The following GFRA3 variants were observed in gnomAD, a reference collection of about 807,000 sequenced individuals.
GFRA3 encodes GDNF family receptor alpha 3.
A neutral mutation model predicts 40.0 loss-of-function variants in GFRA3; 24 were observed. The ratio of observed to expected loss-of-function variants is 0.60; its 90% CI spans 0.43 to 0.84. The LOEUF (loss-of-function observed/expected upper bound fraction) is 0.84, where lower values mean the gene tolerates loss of function less well. Ranked by LOEUF, GFRA3 falls within the 40% of genes least tolerant of loss-of-function variation. GFRA3 has a pLI of 0.00. For missense variants in GFRA3, 405 were observed against 530.6 expected, an observed-to-expected ratio of 0.76 and a Z score of 2.33; for synonymous variants, 203 against 213.5, an observed-to-expected ratio of 0.95 and a Z score of 0.43.
intron 4 of GFRA3, among the ~76,000 whole-genome samples, chr5:138,254,382 T>G (rs548095377): frequency 2.0e-5 from 3 of 152,202 alleles, no homozygotes; most frequent in African/African-American, 7.2e-5. Flanking sequence ...AGACGGGGTT[T>G]CACCATGTCG....
intron 2 of GFRA3, among the ~76,000 whole-genome samples, chr5:138,262,277 A>G (rs1430043501): frequency 1.3e-5 from 2 of 152,136 alleles, no homozygotes; most frequent in Non-Finnish European, 1.5e-5. Flanking sequence ...ACCTTTCCAG[A>G]GGGCTGGGCC....
rs1219398811 is a variant in GFRA3 at position 138,253,271 on chromosome 5, A to G, written c.1113+16T>C. 3 of 1,523,294 alleles carry G rather than the reference A, an allele frequency of 2.0e-6. No homozygotes were observed. Among genetic ancestry groups the G allele is most frequent in the Non-Finnish European group, 2.7e-6 (3 of 1,110,430 alleles). 94.4% of individuals were successfully genotyped at this position (1,523,294 alleles called of 1,614,324 possible). Reference sequence around the variant, plus strand: ...GCCCAGTAAAGGTCTGAGGGGTGTAACAGAGGAGGCCCTACCTGGTGTGCC... The same window carrying G: ...GCCCAGTAAAGGTCTGAGGGGTGTAGCAGAGGAGGCCCTACCTGGTGTGCC... On this transcript the variant is annotated intron_variant, in intron 7 of 7. Coordinates refer to ENST00000274721, the MANE Select transcript of GFRA3 (RefSeq NM_001496.4).
chr5:138,260,214 G>GC (rs1755691247), intron 2 of GFRA3, among the ~76,000 whole-genome samples: 1 of 152,154 alleles, frequency 6.6e-6, no homozygotes, highest in Admixed American at 6.6e-5. Context: ...ACTTGCTCTG[G>GC]TCTGTGGATT....
intron 1 of GFRA3, among the ~76,000 whole-genome samples, chr5:138,267,935 C>T (rs1755810232): frequency 1.3e-5 from 2 of 152,188 alleles, no homozygotes; most frequent in South Asian, 4.1e-4. Flanking sequence ...TGGCTACCCA[C>T]ATGTAGGAGA....
chr5:138,274,526 C>T lies in GFRA3; in HGVS notation c.-102G>A. ...GCACCTCCCGCCCCCGCCTCCCGCCCTCCAGCGCGACGCACACACTCTCCC... is the reference window on the plus strand; with the variant it reads ...GCACCTCCCGCCCCCGCCTCCCGCCTTCCAGCGCGACGCACACACTCTCCC... On this transcript the variant is annotated 5_prime_UTR_variant, in exon 1 of 8. Transcript: ENST00000274721. 1 of 1,236,262 alleles carries T rather than the reference C, an allele frequency of 8.1e-7. No homozygotes were observed. Among genetic ancestry groups the T allele is most frequent in the Non-Finnish European group, 1.0e-6 (1 of 989,960 alleles). The allele number at this position is 1,236,262 out of a possible 1,614,324, so 76.6% of individuals were successfully genotyped here.
intron 4 of GFRA3, 100 bp downstream of exon 4, chr5:138,257,539 G>T: frequency 3.0e-6 from 3 of 1,011,292 alleles, no homozygotes; most frequent in Non-Finnish European, 4.3e-6. Context: ...TGGGTCCACG[G>T]TTCCCTGGGA....
At chr5:138,256,370 T>C (rs1755629325) in intron 4 of GFRA3, among the ~76,000 whole-genome samples, 1 of 144,624 alleles carries the variant, frequency 6.9e-6, no homozygotes, top group African/African-American at 2.6e-5. Context: ...CTACTAAAAA[T>C]ACAAAAATTT....
intron 1 of GFRA3, among the ~76,000 whole-genome samples, chr5:138,271,899 TTTTTTTTTTTTTTTTG>T (rs1561654704): frequency 9.9e-6 from 1 of 101,322 alleles, no homozygotes; most frequent in South Asian, 4.4e-4. Context: ...TCTGTTTTTT[TTTTTTTTTTTTTTTTG>T]TGTGTGTGTG....
chr5:138,254,255 T>C (rs568496270), intron 4 of GFRA3, 95 bp from the exon 5 acceptor site: 2 of 735,190 alleles, frequency 2.7e-6, no homozygotes, highest in South Asian at 1.6e-5. Context: ...TAGCTCAATC[T>C]TGGCTCACTG....
At chr5:138,270,439 T>C (rs1213623998) in intron 1 of GFRA3, among the ~76,000 whole-genome samples, 1 of 151,560 alleles carries the variant, frequency 6.6e-6, no homozygotes, top group Non-Finnish European at 1.5e-5. Context: ...GAGACTATTA[T>C]TCTAAGTGAA....
At position 138,255,584 on chromosome 5, in the gene GFRA3, A is replaced by G. The variant is rs574958162; in HGVS notation, c.786-1424T>C. ...TAGCAGCACATCCTAAGTAATAACT[A>G]CATTAGTGCACAAAGATTAAAGAGT... On this transcript the variant is annotated intron_variant, in intron 4 of 7. Coordinates refer to ENST00000274721, the MANE Select transcript of GFRA3 (RefSeq NM_001496.4). 2.0e-5 allele frequency among the ~76,000 whole-genome samples: 3 copies of G among 152,286 alleles called. No homozygotes were observed. The South Asian group carries it at 6.2e-4, about 32-fold the overall frequency.
intron 1 of GFRA3, among the ~76,000 whole-genome samples, chr5:138,265,761 C>T (rs1755774464): frequency 6.6e-6 from 1 of 152,144 alleles, no homozygotes; most frequent in African/African-American, 2.4e-5. Flanking sequence ...GTGGCACGAT[C>T]ACAGCTCACT....
rs1422901702 is a variant in GFRA3, at chr5:138,253,656, GT to G, written c.1024+109del. Reference sequence around the variant, plus strand: ...GAAAGCCTATGCTAGGAACTGCTCTGTTTGGTGGAGATGGATGGAACCAGCC... The same window carrying G: ...GAAAGCCTATGCTAGGAACTGCTCTGTTGGTGGAGATGGATGGAACCAGCC... On this transcript the variant is annotated intron_variant, in intron 6 of 7. Transcript: ENST00000274721. 9 of 1,010,806 alleles carry G rather than the reference GT, an allele frequency of 8.9e-6. No homozygotes were observed. In the African/African-American group the frequency reaches 1.4e-4, roughly 16 times the overall value. The allele number at this position is 1,010,806 out of a possible 1,614,324, so 62.6% of individuals were successfully genotyped here. A position where few individuals can be genotyped will look rare whatever the true frequency, so the allele number is the denominator to read the frequency against.
chr5:138,257,276 C>T (rs1348404953), intron 4 of GFRA3, among the ~76,000 whole-genome samples: 1 of 151,728 alleles, frequency 6.6e-6, no homozygotes, highest in Non-Finnish European at 1.5e-5. Context: ...AGACATGTGC[C>T]GTAAGAGAAA....
At chr5:138,254,778 G>A (rs1320119167) in intron 4 of GFRA3, among the ~76,000 whole-genome samples, 1 of 151,986 alleles carries the variant, frequency 6.6e-6, no homozygotes, top group East Asian at 1.9e-4. Context: ...ACTACCTCGT[G>A]GATTTTTGTG....
At chr5:138,262,522 G>A (rs1329356091) in intron 2 of GFRA3, among the ~76,000 whole-genome samples, 2 of 152,088 alleles carry the variant, frequency 1.3e-5, no homozygotes, top group Non-Finnish European at 2.9e-5. Flanking sequence ...GTGTGATCAT[G>A]GCTCACTGCA....
At chr5:138,273,509 A>G (rs1236649575) in intron 1 of GFRA3, among the ~76,000 whole-genome samples, 4 of 152,216 alleles carry the variant, frequency 2.6e-5, no homozygotes, top group African/African-American at 4.8e-5. Flanking sequence ...AGGTGGACAG[A>G]CCAGGGTTTT....
chr5:138,256,705 T>C (rs1311191061), intron 4 of GFRA3, among the ~76,000 whole-genome samples: 1 of 152,036 alleles, frequency 6.6e-6, no homozygotes, highest in Non-Finnish European at 1.5e-5. Flanking sequence ...TCCTAGCACT[T>C]TGGGAGGCCA....
intron 3 of GFRA3, 63 bp from the exon 4 acceptor site, chr5:138,258,014 ACAGGAAC>A: frequency 7.4e-7 from 1 of 1,352,412 alleles, no homozygotes; most frequent in Non-Finnish European, 1.1e-6. Flanking sequence ...CCCAGGTTCC[ACAGGAAC>A]CCCGGAAACC....
Sources: allele counts gnomAD v4.1 joint callset (sites outside exome capture counted in the v4.1 genomes callset), GRCh38; gene constraint gnomAD v4.1.1; transcripts MANE v1.5; gene names NCBI Gene and HGNC (gene_info 2026-07-23, HGNC 2026-07-21).